FHIP1A: variants seen among roughly 807,000 people sequenced by gnomAD.
FHIP1A encodes FHF complex subunit HOOK-interacting protein 1A.
Under a neutral mutation model 88.6 loss-of-function variants are expected in FHIP1A, and 61 were observed. The ratio of observed to expected loss-of-function variants is 0.69; its 90% CI spans 0.56 to 0.85. The LOEUF (loss-of-function observed/expected upper bound fraction) is 0.85, where lower values mean the gene tolerates loss of function less well. Ranked by LOEUF, FHIP1A falls within the 40% of genes least tolerant of loss-of-function variation. FHIP1A has a pLI of 0.00. For missense variants in FHIP1A, 1,154 were observed against 1,273.5 expected (o/e 0.91, Z 1.43); for synonymous variants, 478 against 496.0 (o/e 0.96, Z 0.48).
chr4:151,459,572 T>C (rs541238869), intron 2 of FHIP1A, among the ~76,000 whole-genome samples: 1 of 152,354 alleles, frequency 6.6e-6, no homozygotes, highest in Admixed American at 6.5e-5. Flanking sequence ...CCATCTGTAA[T>C]ATCATTTAAG....
At chr4:151,525,733 C>T (rs183481214) in intron 3 of FHIP1A, among the ~76,000 whole-genome samples, 10 of 150,642 alleles carry the variant, frequency 6.6e-5, no homozygotes, top group Non-Finnish European at 3.0e-5. Flanking sequence ...TTTTGCTGCT[C>T]ACCTTTGTAC....
chr4:151,537,841 C>T (rs560481620), intron 3 of FHIP1A, among the ~76,000 whole-genome samples: 1 of 152,238 alleles, frequency 6.6e-6, no homozygotes, highest in South Asian at 2.1e-4. Flanking sequence ...TGGTACAGCT[C>T]TCTTTTATTT....
chr4:151,459,462 AATG>A (rs1404175265), intron 2 of FHIP1A, among the ~76,000 whole-genome samples: 1 of 152,168 alleles, frequency 6.6e-6, no homozygotes, highest in Non-Finnish European at 1.5e-5. Context: ...CATGGTTTAA[AATG>A]ATCACTTTCC....
At chr4:151,567,892 C>T (rs973872841) in intron 4 of FHIP1A, among the ~76,000 whole-genome samples, 3 of 152,166 alleles carry the variant, frequency 2.0e-5, no homozygotes, top group African/African-American at 7.2e-5. Context: ...GTCTATCTTA[C>T]TACGTAATCT....
chr4:151,476,160 G>A (rs1314758729), intron 2 of FHIP1A, among the ~76,000 whole-genome samples: 2 of 101,764 alleles, frequency 2.0e-5, no homozygotes, highest in African/African-American at 3.3e-5. Flanking sequence ...GTGCTCGGCC[G>A]ATTTTTTTTT....
intron 3 of FHIP1A, among the ~76,000 whole-genome samples, chr4:151,541,122 T>C (rs751688102): frequency 3.3e-5 from 5 of 152,236 alleles, no homozygotes; most frequent in Non-Finnish European, 5.9e-5. Context: ...TAAGATATGC[T>C]ACACTAGTTT....
rs1312575098 is a variant in FHIP1A at position 151,637,022 on chromosome 4, G to A, written c.1147-1655G>A. ...CCAGAAATAAACTCATATATCCATG[G>A]TCAATTAATTTTCAACAAGATTTCA... On this transcript the variant is annotated intron_variant, in intron 8 of 13. Coordinates refer to ENST00000435205, the MANE Select transcript of FHIP1A (RefSeq NM_001109977.3). Among the ~76,000 whole-genome samples the A allele has an allele frequency of 2.0e-5, 3 of 152,124 alleles. No homozygotes were observed. The East Asian group carries it at 5.8e-4, about 29-fold the overall frequency.
In FHIP1A at chr4:151,662,695, C is replaced by T; in HGVS notation, c.3064C>T (p.Gln1022Ter). 6.4e-7 allele frequency: 1 copy of T among 1,551,100 alleles called. No homozygotes were observed. Among genetic ancestry groups the T allele is most frequent in the Non-Finnish European group, 8.7e-7 (1 of 1,146,922 alleles). ...EFLKELAALA[Q>*]EHSILCYKIL... ...CCTGAAGGAGCTGGCGGCCTTGGCC[C>T]AGGAACACTCCATTCTGTGCTACAA... Residue 1022 changes from glutamine to a stop codon, truncating the protein, a stop_gained, in exon 14 of 14, where the codon CAG (glutamine) becomes TAG (stop). Coordinates refer to ENST00000435205, the MANE Select transcript of FHIP1A (RefSeq NM_001109977.3). LOFTEE classifies it high-confidence loss of function.
chr4:151,418,195 A>C (rs1580540833), intron 1 of FHIP1A, among the ~76,000 whole-genome samples: 1 of 150,758 alleles, frequency 6.6e-6, no homozygotes, highest in East Asian at 1.9e-4. Flanking sequence ...AAAAAAAAAA[A>C]CAAGAGAAAC....
chr4:151,612,046 C>T (rs1735341747), intron 7 of FHIP1A, among the ~76,000 whole-genome samples: 1 of 152,020 alleles, frequency 6.6e-6, no homozygotes, highest in African/African-American at 2.4e-5. Context: ...TTATCTAGTT[C>T]CAGTTCCTCA....
chr4:151,651,830 A>G (rs997360427), intron 11 of FHIP1A, among the ~76,000 whole-genome samples: 3 of 152,240 alleles, frequency 2.0e-5, no homozygotes, highest in Non-Finnish European at 4.4e-5. Context: ...AAAGCTTTTA[A>G]TTCCACAATT....
intron 3 of FHIP1A, among the ~76,000 whole-genome samples, chr4:151,519,021 A>G (rs1409200361): frequency 3.3e-5 from 5 of 152,038 alleles, no homozygotes; most frequent in African/African-American, 1.2e-4. Context: ...AATATCCTCT[A>G]AGTTCTTCAG....
At chr4:151,640,610 C>T (rs1015605852) in intron 9 of FHIP1A, among the ~76,000 whole-genome samples, 2 of 152,110 alleles carry the variant, frequency 1.3e-5, no homozygotes, top group Non-Finnish European at 2.9e-5. Flanking sequence ...GTGGGTAAAG[C>T]CTGATGGTAT....
chr4:151,612,624 T>C (rs191799184), intron 7 of FHIP1A, among the ~76,000 whole-genome samples: 1 of 152,172 alleles, frequency 6.6e-6, no homozygotes, highest in African/African-American at 2.4e-5. Context: ...TCAAATGATA[T>C]GCCCATCTCG....
intron 1 of FHIP1A, among the ~76,000 whole-genome samples, chr4:151,438,800 C>G (rs1212993427): frequency 6.6e-6 from 1 of 151,752 alleles, no homozygotes; most frequent in Admixed American, 6.6e-5. Flanking sequence ...CACCACCGCA[C>G]CTGGCTAATT....
At chr4:151,589,415 T>A (rs1734341773) in intron 7 of FHIP1A, among the ~76,000 whole-genome samples, 1 of 147,164 alleles carries the variant, frequency 6.8e-6, no homozygotes, top group South Asian at 2.2e-4. Flanking sequence ...CCATCAAATG[T>A]TGGCTGTCTC....
intron 3 of FHIP1A, among the ~76,000 whole-genome samples, chr4:151,543,700 T>C (rs1220133400): frequency 6.6e-6 from 1 of 152,212 alleles, no homozygotes; most frequent in Non-Finnish European, 1.5e-5. Context: ...AATATTATAG[T>C]GTGAGCATTT....
intron 3 of FHIP1A, among the ~76,000 whole-genome samples, chr4:151,550,874 A>G (rs1411628486): frequency 6.6e-6 from 1 of 152,206 alleles, no homozygotes; most frequent in Non-Finnish European, 1.5e-5. Context: ...TTGGACAACC[A>G]TCAAGTCCTT....
intron 3 of FHIP1A, among the ~76,000 whole-genome samples, chr4:151,527,128 C>G (rs1425679874): frequency 6.6e-6 from 1 of 151,912 alleles, no homozygotes; most frequent in South Asian, 2.1e-4. Context: ...GGGTGGCGGC[C>G]GGGCAGAGGC....
Sources: allele counts gnomAD v4.1 joint callset (sites outside exome capture counted in the v4.1 genomes callset), GRCh38; gene constraint gnomAD v4.1.1; transcripts MANE v1.5; gene names NCBI Gene and HGNC (gene_info 2026-07-23, HGNC 2026-07-21).